The following GRID2 variants were observed in gnomAD, a reference collection of about 807,000 sequenced individuals.
GRID2 encodes the protein glutamate receptor ionotropic, delta-2.
In GRID2, 33 loss-of-function variants were observed where a neutral mutation model predicts 114.8. That is an observed-to-expected ratio of 0.29 (90% CI 0.22 to 0.38). The LOEUF (loss-of-function observed/expected upper bound fraction) is 0.38. Ranked by LOEUF, GRID2 falls within the 10% of genes least tolerant of loss-of-function variation. The pLI, the probability that GRID2 is intolerant of heterozygous loss-of-function variation, is 1.00. For synonymous variants in GRID2, 505 were observed against 449.9 expected, an observed-to-expected ratio of 1.12 and a Z score of -1.55; for missense variants, 1,184 against 1,257.7, an observed-to-expected ratio of 0.94 and a Z score of 0.89.
chr4:93,126,065 C>T (rs567978754), intron 4 of GRID2, among the ~76,000 whole-genome samples: 1 of 152,304 alleles, frequency 6.6e-6, no homozygotes, highest in South Asian at 2.1e-4. Flanking sequence ...CAATCCACAT[C>T]TCTTCATATA....
intron 1 of GRID2, among the ~76,000 whole-genome samples, chr4:92,389,181 C>T (rs1182973178): frequency 1.6e-5 from 2 of 128,858 alleles, no homozygotes; most frequent in Non-Finnish European, 1.6e-5. Flanking sequence ...ATAACTTCCA[C>T]AGTACTCTTT....
chr4:92,804,622 T>G (rs1018552205), intron 2 of GRID2, among the ~76,000 whole-genome samples: 5 of 152,068 alleles, frequency 3.3e-5, no homozygotes, highest in African/African-American at 1.2e-4. Flanking sequence ...TTGATTAGTA[T>G]TCTCCTGTAA....
chr4:93,622,613 G>A (rs913727812), intron 13 of GRID2, among the ~76,000 whole-genome samples: 3 of 152,124 alleles, frequency 2.0e-5, no homozygotes, highest in Admixed American at 2.0e-4. Flanking sequence ...CACTCCATGA[G>A]TAATACTTGA....
chr4:92,513,454 G>T (rs1724351680), intron 1 of GRID2, among the ~76,000 whole-genome samples: 1 of 151,826 alleles, frequency 6.6e-6, no homozygotes, highest in South Asian at 2.1e-4. Context: ...CAAAGTCTTT[G>T]CACACAGGGC....
At chr4:92,541,499 A>G (rs1725950940) in intron 1 of GRID2, among the ~76,000 whole-genome samples, 1 of 151,900 alleles carries the variant, frequency 6.6e-6, no homozygotes, top group Non-Finnish European at 1.5e-5. Context: ...TAATAATAAT[A>G]ATATCTAATC....
At chr4:93,538,318 C>T (rs1732305715) in intron 13 of GRID2, among the ~76,000 whole-genome samples, 1 of 151,470 alleles carries the variant, frequency 6.6e-6, no homozygotes, top group African/African-American at 2.4e-5. Flanking sequence ...ACAGAAATAA[C>T]ACAAGAAAGA....
At chr4:93,266,067 C>T (rs993059221) in intron 8 of GRID2, among the ~76,000 whole-genome samples, 4 of 152,132 alleles carry the variant, frequency 2.6e-5, no homozygotes, top group Non-Finnish European at 5.9e-5. Context: ...CACACTCCTA[C>T]ACACTCACTC....
At chr4:92,665,677 A>T (rs1303089913) in intron 2 of GRID2, among the ~76,000 whole-genome samples, 3 of 150,684 alleles carry the variant, frequency 2.0e-5, no homozygotes, top group Non-Finnish European at 4.5e-5. Flanking sequence ...CTTTTGAAAG[A>T]TAATTTTACC....
In GRID2 at chr4:92,623,009, C is replaced by T. The variant is rs146207217; in HGVS notation, c.244+32723C>T. Reference sequence around the variant, plus strand: ...TTTTGTTAGTTTAAATAAGGTTCATCACTATTGGGAATCTTTTGAAGATGA... The same window carrying T: ...TTTTGTTAGTTTAAATAAGGTTCATTACTATTGGGAATCTTTTGAAGATGA... On this transcript the variant is annotated intron_variant, in intron 2 of 15. Transcript: ENST00000282020. 3.3e-5 allele frequency among the ~76,000 whole-genome samples: 5 copies of T among 151,702 alleles called. No homozygotes were observed. In the East Asian group the frequency reaches 9.7e-4, roughly 29 times the overall value.
chr4:92,315,208 TTTG>T (rs1217902558), intron 1 of GRID2, among the ~76,000 whole-genome samples: 1 of 152,194 alleles, frequency 6.6e-6, no homozygotes, highest in Non-Finnish European at 1.5e-5. Flanking sequence ...TTTTGTGTTC[TTTG>T]TTGTTGTAAG....
intron 4 of GRID2, among the ~76,000 whole-genome samples, chr4:93,163,502 G>A (rs1156425283): frequency 1.4e-5 from 2 of 147,768 alleles, no homozygotes; most frequent in Non-Finnish European, 3.0e-5. Flanking sequence ...GGGCTCAAGT[G>A]ATCTTCCCAC....
chr4:93,727,425 G>A (rs1376594632), intron 14 of GRID2, among the ~76,000 whole-genome samples: 19 of 152,198 alleles, frequency 1.2e-4, no homozygotes, highest in East Asian at 5.8e-4. Context: ...AATGTTCATC[G>A]AGGATATTGG....
chr4:92,568,292 T>G (rs1258123741), intron 1 of GRID2, among the ~76,000 whole-genome samples: 1 of 152,140 alleles, frequency 6.6e-6, no homozygotes, highest in East Asian at 1.9e-4. Context: ...ACAAAGTGTC[T>G]GATTATAGAA....
intron 13 of GRID2, among the ~76,000 whole-genome samples, chr4:93,553,122 A>G (rs1733943443): frequency 6.6e-6 from 1 of 152,120 alleles, no homozygotes. Flanking sequence ...CGGTAGAATG[A>G]TTTATAATCC....
intron 7 of GRID2, among the ~76,000 whole-genome samples, chr4:93,226,949 CTT>C (rs1745551577): frequency 1.3e-5 from 2 of 152,264 alleles, no homozygotes; most frequent in South Asian, 4.1e-4. Flanking sequence ...CCTGGGTCCA[CTT>C]GAGCCACAAC....
intron 8 of GRID2, among the ~76,000 whole-genome samples, chr4:93,325,197 C>T (rs991902128): frequency 6.6e-6 from 1 of 152,172 alleles, no homozygotes; most frequent in Non-Finnish European, 1.5e-5. Context: ...TCCTTCTACA[C>T]ACTGCTTTAA....
At chr4:93,203,408 A>T (rs74905431) in intron 4 of GRID2, among the ~76,000 whole-genome samples, 6,774 of 152,242 alleles carry the variant, frequency 0.044, 508 homozygotes, top group African/African-American at 0.15. Context: ...AATTAAAAAG[A>T]CAAGACATAT....
intron 2 of GRID2, among the ~76,000 whole-genome samples, chr4:92,814,640 G>A (rs1297558757): frequency 6.6e-6 from 1 of 152,092 alleles, no homozygotes; most frequent in Non-Finnish European, 1.5e-5. Context: ...GTGCCTCATT[G>A]GCAACACTTC....
At chr4:93,645,473 AG>A (rs1722024631) in intron 14 of GRID2, among the ~76,000 whole-genome samples, 1 of 152,168 alleles carries the variant, frequency 6.6e-6, no homozygotes, top group African/African-American at 2.4e-5. Context: ...AAACAGTAAA[AG>A]CCAAAGATAG....
Sources: gnomAD v4.1 joint callset for allele counts (sites outside exome capture counted in the v4.1 genomes callset) on GRCh38, gnomAD v4.1.1 for gene constraint, MANE v1.5 for transcripts, NCBI Gene and HGNC (gene_info 2026-07-23, HGNC 2026-07-21) for gene names.